NRG1: variants seen among roughly 807,000 people sequenced by gnomAD.
The protein encoded by NRG1 is neuregulin 1.
A neutral mutation model predicts 63.8 loss-of-function variants in NRG1; 18 were observed. That is an observed-to-expected ratio of 0.28 (90% CI 0.19 to 0.42). The LOEUF (loss-of-function observed/expected upper bound fraction) is 0.42. Among genes scored for constraint, NRG1 ranks in the 10% least tolerant of loss-of-function variants. The pLI, the probability that NRG1 is intolerant of heterozygous loss-of-function variation, is 1.00. For synonymous variants in NRG1, 302 were observed against 301.3 expected, an observed-to-expected ratio of 1.00 and a Z score of -0.02; for missense variants, 762 against 814.7, an observed-to-expected ratio of 0.94 and a Z score of 0.79.
chr8:32,574,209 A>G (rs1031503534), intron 1 of NRG1, among the ~76,000 whole-genome samples: 1 of 152,190 alleles, frequency 6.6e-6, no homozygotes. Flanking sequence ...AAGATTTTAT[A>G]CATTACTAAT....
intron 1 of NRG1, among the ~76,000 whole-genome samples, chr8:31,676,179 C>T (rs151124923): frequency 2.6e-5 from 4 of 152,076 alleles, no homozygotes; most frequent in African/African-American, 4.8e-5. Flanking sequence ...CTTAGAGAGT[C>T]GGGAGATCCT....
chr8:31,799,367 G>C (rs1415010400), intron 1 of NRG1, among the ~76,000 whole-genome samples: 3 of 152,028 alleles, frequency 2.0e-5, no homozygotes, highest in Non-Finnish European at 4.4e-5. Context: ...ATTAGAATAG[G>C]CTGTGTTGAC....
intron 1 of NRG1, among the ~76,000 whole-genome samples, chr8:32,553,937 C>T (rs537835115): frequency 5.7e-4 from 87 of 152,118 alleles, no homozygotes; most frequent in African/African-American, 2.1e-3. Context: ...AGATTCTTAC[C>T]AAATCAATGT....
At chr8:31,841,728 T>A (rs536094675) in intron 1 of NRG1, among the ~76,000 whole-genome samples, 42 of 152,300 alleles carry the variant, frequency 2.8e-4, no homozygotes, top group African/African-American at 9.9e-4. Context: ...ATATTTTTAT[T>A]TTACTGAGCT....
intron 2 of NRG1, among the ~76,000 whole-genome samples, chr8:32,597,766 C>T (rs1021232237): frequency 2.6e-5 from 4 of 151,922 alleles, no homozygotes; most frequent in Non-Finnish European, 4.4e-5. Flanking sequence ...TAAGTTTCTT[C>T]CTGTAGATCA....
intron 1 of NRG1, among the ~76,000 whole-genome samples, chr8:32,087,613 G>A (rs373641148): frequency 3.1e-4 from 47 of 151,292 alleles, no homozygotes; most frequent in African/African-American, 1.0e-3. Flanking sequence ...TGGGACTACA[G>A]GTGCGTGTGC....
intron 1 of NRG1, among the ~76,000 whole-genome samples, chr8:31,788,924 A>G (rs1820431721): frequency 6.6e-6 from 1 of 152,208 alleles, no homozygotes; most frequent in Non-Finnish European, 1.5e-5. Context: ...GGAGATTTCT[A>G]AAATTTCCAG....
At position 32,383,553 on chromosome 8, in the gene NRG1, G is replaced by A. The variant is rs567861913; in HGVS notation, c.38-212275G>A. Among the ~76,000 whole-genome samples, 4 of 152,300 alleles carry A rather than the reference G, an allele frequency of 2.6e-5. No homozygotes were observed. In the East Asian group the frequency reaches 5.8e-4, roughly 22 times the overall value. On this transcript the variant is annotated intron_variant, in intron 1 of 10. Transcript: ENST00000519301. ...ATCTAGAAGTATCTAAATGAAGACAGACATATAATTTTTGCCCCTGAGCTC... is the reference window on the plus strand; with the variant it reads ...ATCTAGAAGTATCTAAATGAAGACAAACATATAATTTTTGCCCCTGAGCTC...
intron 1 of NRG1, among the ~76,000 whole-genome samples, chr8:32,475,735 A>G (rs1028325360): frequency 2.0e-5 from 3 of 152,170 alleles, no homozygotes; most frequent in African/African-American, 4.8e-5. Flanking sequence ...TAAGGCAGAA[A>G]TGATCTAAAA....
intron 1 of NRG1, among the ~76,000 whole-genome samples, chr8:31,876,481 C>T (rs958326537): frequency 6.6e-6 from 1 of 151,882 alleles, no homozygotes; most frequent in Non-Finnish European, 1.5e-5. Flanking sequence ...TTAGAATATT[C>T]AATATTTTAC....
At chr8:32,123,107 A>G (rs1309488626) in intron 1 of NRG1, among the ~76,000 whole-genome samples, 1 of 151,996 alleles carries the variant, frequency 6.6e-6, no homozygotes, top group African/African-American at 2.4e-5. Flanking sequence ...ATCAGTGTAC[A>G]TTTGTAATGA....
intron 1 of NRG1, among the ~76,000 whole-genome samples, chr8:31,690,558 C>T (rs1809390697): frequency 6.6e-6 from 1 of 152,056 alleles, no homozygotes; most frequent in Non-Finnish European, 1.5e-5. Context: ...CTGAAGGGAG[C>T]CAAGGGTGGG....
chr8:32,058,912 C>G (rs1323478552), intron 1 of NRG1, among the ~76,000 whole-genome samples: 1 of 152,016 alleles, frequency 6.6e-6, no homozygotes, highest in Admixed American at 6.6e-5. Flanking sequence ...ATCACTCTTT[C>G]TGTGTTTAGA....
intron 1 of NRG1, among the ~76,000 whole-genome samples, chr8:32,083,783 A>T (rs1462755106): frequency 2.0e-5 from 3 of 151,964 alleles, no homozygotes; most frequent in African/African-American, 4.8e-5. Context: ...GTATATATGT[A>T]TTTTTTTAAT....
chr8:32,154,361 T>TCCACTTCCTGCCTTCCTTTCTC (rs962592512), intron 1 of NRG1, among the ~76,000 whole-genome samples: 10 of 151,946 alleles, frequency 6.6e-5, no homozygotes, highest in African/African-American at 2.2e-4. Context: ...CTTCCTCCCT[T>TCCACTTCCTGCCTTCCTTTCTC]CCACTTCCTG....
intron 1 of NRG1, among the ~76,000 whole-genome samples, chr8:31,965,147 T>C (rs1024539769): frequency 4.6e-5 from 7 of 152,140 alleles, no homozygotes; most frequent in Non-Finnish European, 7.4e-5. Flanking sequence ...CATATATATA[T>C]ATACTACATT....
At chr8:32,146,521 T>A (rs951561075) in intron 1 of NRG1, among the ~76,000 whole-genome samples, 4 of 152,168 alleles carry the variant, frequency 2.6e-5, no homozygotes, top group African/African-American at 9.6e-5. Flanking sequence ...AAAATTATCA[T>A]TTCTCTTCTT....
chr8:32,517,214 TA>T (rs1375251976), intron 1 of NRG1, among the ~76,000 whole-genome samples: 1 of 152,196 alleles, frequency 6.6e-6, no homozygotes, highest in Non-Finnish European at 1.5e-5. Context: ...TTTCTTTTTA[TA>T]AAATACATCA....
chr8:32,252,716 A>G (rs558908017), intron 1 of NRG1, among the ~76,000 whole-genome samples: 3 of 152,102 alleles, frequency 2.0e-5, no homozygotes, highest in Admixed American at 6.6e-5. Context: ...AAGTAGTTTT[A>G]TCTAATTCTG....
Sources: allele counts gnomAD v4.1 joint callset (sites outside exome capture counted in the v4.1 genomes callset), GRCh38; gene constraint gnomAD v4.1.1; transcripts MANE v1.5; gene names NCBI Gene and HGNC (gene_info 2026-07-23, HGNC 2026-07-21).